Variants in SHOC1 observed in about 807,000 individuals in gnomAD.
SHOC1 encodes the protein protein shortage in chiasmata 1 ortholog.
In SHOC1, 136 loss-of-function variants were observed where a neutral mutation model predicts 179.2. That is an observed-to-expected ratio of 0.76 (90% CI 0.66 to 0.87). The LOEUF (loss-of-function observed/expected upper bound fraction) is 0.87, where lower values mean the gene tolerates loss of function less well. Among genes scored for constraint, SHOC1 ranks in the 40% least tolerant of loss-of-function variants. SHOC1 has a pLI of 0.00. For synonymous variants in SHOC1, 489 were observed against 586.6 expected, an observed-to-expected ratio of 0.83 and a Z score of 2.41; for missense variants, 1,538 against 1,700.8, an observed-to-expected ratio of 0.90 and a Z score of 1.68.
chr9:111,698,242 G>A (rs1025853400), intron 24 of SHOC1, among the ~76,000 whole-genome samples: 14 of 152,208 alleles, frequency 9.2e-5, no homozygotes, highest in African/African-American at 3.4e-4. Flanking sequence ...ATTGCTTTTC[G>A]TGTTTTATTC....
intron 15 of SHOC1, among the ~76,000 whole-genome samples, chr9:111,720,587 A>G (rs1191834042): frequency 6.6e-6 from 1 of 152,164 alleles, no homozygotes; most frequent in Non-Finnish European, 1.5e-5. Context: ...TAATTACAGT[A>G]TGTTAGGCTA....
In SHOC1 at chr9:111,691,821, A is replaced by G. The variant is rs1430420415; in HGVS notation, c.4156T>C (p.Leu1386=). 6 of 1,613,660 alleles carry G rather than the reference A, an allele frequency of 3.7e-6. No individual in the cohort carries two copies. Among genetic ancestry groups the G allele is most frequent in the African/African-American group, 2.7e-5 (2 of 74,912 alleles). ...YGAQQTACNK[L]YSQKGNLFTD... ...AATAAATTACCTTTCTGAGAGTACAATTTGTTACATGCAGTCTGCTGTGCA... is the reference window on the plus strand; with the variant it reads ...AATAAATTACCTTTCTGAGAGTACAGTTTGTTACATGCAGTCTGCTGTGCA... The change falls in exon 27 of 28, where the codon TTG becomes CTG. Residue 1386 remains leucine, a synonymous_variant. Coordinates refer to ENST00000682961, the MANE Select transcript of SHOC1 (RefSeq NM_001378211.1).
intron 2 of SHOC1, among the ~76,000 whole-genome samples, chr9:111,787,731 G>A (rs146117827): frequency 6.6e-6 from 1 of 152,330 alleles, no homozygotes; most frequent in African/African-American, 2.4e-5. Flanking sequence ...AGTTTGAGAG[G>A]ATTGAGTCTA....
chr9:111,718,074 A>C (rs758818692), intron 16 of SHOC1, 110 bp downstream of exon 16: 12 of 679,270 alleles, frequency 1.8e-5, no homozygotes, highest in Non-Finnish European at 2.9e-5. Context: ...GTATAATAGA[A>C]AAGAAGGCTA....
In SHOC1 at chr9:111,691,893, T is replaced by C. The variant is rs772790103; in HGVS notation, c.4084A>G (p.Lys1362Glu). The C allele has an allele frequency of 9.9e-6, 16 of 1,613,950 alleles. No individual in the cohort carries two copies. Among genetic ancestry groups the C allele is most frequent in the Non-Finnish European group, 1.4e-5 (16 of 1,179,970 alleles). The change falls in exon 27 of 28, where the codon AAA becomes GAA. Residue 1362 changes from lysine (K) to glutamate (E), a missense_variant. Lys to Glu is a moderately conservative substitution (Grantham distance 56). Coordinates refer to ENST00000682961, the MANE Select transcript of SHOC1 (RefSeq NM_001378211.1). ...TGATTCTCTTGTTCCCATATATTTT[T>C]CTTAAAGTTCCAATGAAGAGGAGAT... ...TQSPLHWNFK[K>E]NIWEQENHPF...
At chr9:111,689,735 C>T (rs7039574) in intron 27 of SHOC1, among the ~76,000 whole-genome samples, 87,598 of 151,934 alleles carry the variant, frequency 0.58, 26,838 homozygotes, top group East Asian at 0.8. Context: ...TATTTCTAAA[C>T]TGATATTATT....
chr9:111,694,359 T>C lies in SHOC1; in HGVS notation c.3187A>G (p.Ile1063Val). 6.2e-7 allele frequency: 1 copy of C among 1,600,110 alleles called. No homozygotes were observed. The highest frequency in any genetic ancestry group is 8.5e-7 in the Non-Finnish European group (1 of 1,172,088). ...LNSEELDVKL[I>V]IAPGVEATAL... ...GTTGCTTCTACTCCTGGGGCAATTA[T>C]AAGCTAAAAAATATTTTTTATGTTA... The change falls in exon 25 of 28, where the codon ATA becomes GTA. Residue 1063 changes from isoleucine (I) to valine (V), a missense_variant. Transcript: ENST00000682961.
At chr9:111,764,369 A>T (rs1264296826) in intron 5 of SHOC1, among the ~76,000 whole-genome samples, 1 of 152,252 alleles carries the variant, frequency 6.6e-6, no homozygotes, top group African/African-American at 2.4e-5. Flanking sequence ...AAAACATTGT[A>T]TATACTGTAT....
chr9:111,687,795 A>G (rs529083128), intron 27 of SHOC1, among the ~76,000 whole-genome samples: 3 of 144,830 alleles, frequency 2.1e-5, no homozygotes, highest in South Asian at 2.2e-4. Context: ...TGCCCTTCCT[A>G]TTCCTGACTG....
Position 111,765,828 on chromosome 9 carries a change from C to G in SHOC1, c.443-6980G>C, listed in dbSNP as rs149355218. On this transcript the variant is annotated intron_variant, in intron 5 of 27. Coordinates refer to ENST00000682961, the MANE Select transcript of SHOC1 (RefSeq NM_001378211.1). ...TCCCAGGTTCAAACAATTCTCCTGC[C>G]TCAGCCTCCCAAGTAGCTGGGATTA... 6.1e-3 allele frequency among the ~76,000 whole-genome samples: 932 copies of G among 152,082 alleles called. 26 individuals carry two copies. Among genetic ancestry groups the G allele is most frequent in the East Asian group, 0.017 (88 of 5,128 alleles).
At chr9:111,711,806 T>A (rs763516180) in intron 18 of SHOC1, among the ~76,000 whole-genome samples, 7 of 152,182 alleles carry the variant, frequency 4.6e-5, no homozygotes, top group Admixed American at 1.3e-4. Context: ...GGCATGAGTT[T>A]GTGAGTTTGT....
chr9:111,735,794 C>T (rs923084562), intron 12 of SHOC1, among the ~76,000 whole-genome samples: 1 of 152,196 alleles, frequency 6.6e-6, no homozygotes, highest in African/African-American at 2.4e-5. Flanking sequence ...CTAGTTTACA[C>T]TCCTACCAAC....
chr9:111,689,169 T>G (rs1831311854), intron 27 of SHOC1, among the ~76,000 whole-genome samples: 1 of 151,818 alleles, frequency 6.6e-6, no homozygotes, highest in African/African-American at 2.4e-5. Flanking sequence ...GCGGATTGCT[T>G]GAGCCCAAGA....
intron 12 of SHOC1, among the ~76,000 whole-genome samples, chr9:111,730,811 T>C (rs1564131828): frequency 6.6e-6 from 1 of 152,212 alleles, no homozygotes; most frequent in Non-Finnish European, 1.5e-5. Context: ...AAGCCAGACA[T>C]TGACTGCTTC....
At chr9:111,711,187 G>GT (rs892265485) in intron 18 of SHOC1, among the ~76,000 whole-genome samples, 4 of 152,150 alleles carry the variant, frequency 2.6e-5, no homozygotes, top group African/African-American at 9.7e-5. Context: ...AGAAATGCAG[G>GT]TAAGTGGTAA....
intron 5 of SHOC1, 84 bp downstream of exon 5, chr9:111,775,707 T>C: frequency 1.6e-6 from 2 of 1,230,030 alleles, no homozygotes; most frequent in Non-Finnish European, 2.2e-6. Context: ...AATTTTTTAT[T>C]CAACTCAAAC....
At chr9:111,702,709 A>G (rs1832040785) in intron 22 of SHOC1, among the ~76,000 whole-genome samples, 1 of 152,250 alleles carries the variant, frequency 6.6e-6, no homozygotes, top group African/African-American at 2.4e-5. Flanking sequence ...GGGAATCTCT[A>G]CCTAATGGTA....
rs1834602660 is a variant in SHOC1, at chr9:111,751,836, G to A, written c.863-3637C>T. 3.9e-5 allele frequency among the ~76,000 whole-genome samples: 6 copies of A among 152,142 alleles called. No individual in the cohort carries two copies. The South Asian group carries it at 1.2e-3, about 32-fold the overall frequency. On this transcript the variant is annotated intron_variant, in intron 8 of 27. Transcript: ENST00000682961. ...TAAAATACATAAAGTGAGGAGAAGG[G>A]GAAGGAATATTCATCTACATTTCAG...
chr9:111,758,823 T>C lies in SHOC1; in HGVS notation c.468A>G (p.Ile156Met), dbSNP rs771780552. Residue 156 changes from isoleucine (I) to methionine (M), a missense_variant, in exon 6 of 28, where the codon ATA (isoleucine) becomes ATG (methionine). Ile to Met is a conservative substitution (Grantham distance 10). Transcript: ENST00000682961. ...GGTGTTTTCTACTACTTACAAAAAGTATTCCTTTATCATCAATAAATAAAT... is the reference window on the plus strand; with the variant it reads ...GGTGTTTTCTACTACTTACAAAAAGCATTCCTTTATCATCAATAAATAAAT... ...NQDLFIDDKG[I>M]LFVSSRKHLP... 17 of 1,548,786 alleles carry C rather than the reference T, an allele frequency of 1.1e-5. 1 individual carries two copies. The South Asian group carries it at 1.9e-4, about 17-fold the overall frequency.
Sources: allele counts gnomAD v4.1 joint callset (sites outside exome capture counted in the v4.1 genomes callset), GRCh38; gene constraint gnomAD v4.1.1; transcripts MANE v1.5; gene names NCBI Gene and HGNC (gene_info 2026-07-23, HGNC 2026-07-21).